ARHGAP19: variants seen among roughly 807,000 people sequenced by gnomAD.
The protein encoded by ARHGAP19 is Rho GTPase activating protein 19.
A neutral mutation model predicts 60.9 loss-of-function variants in ARHGAP19; 48 were observed. The observed-to-expected ratio is 0.79, with a 90% CI of 0.62 to 1.00. The LOEUF (loss-of-function observed/expected upper bound fraction) is 1.00. Among genes scored for constraint, ARHGAP19 ranks in the 50% least tolerant of loss-of-function variants. The pLI is 0.00. For synonymous variants in ARHGAP19, 209 were observed against 215.5 expected (o/e 0.97, Z 0.27); for missense variants, 562 against 597.2 (o/e 0.94, Z 0.61).
chr10:97,243,404 C>T (rs1359764405), intron 8 of ARHGAP19, among the ~76,000 whole-genome samples: 1 of 152,134 alleles, frequency 6.6e-6, no homozygotes, highest in African/African-American at 2.4e-5. Flanking sequence ...CCCAAAATAG[C>T]AAATTTGTTC....
intron 2 of ARHGAP19, among the ~76,000 whole-genome samples, chr10:97,265,198 T>C (rs527463523): frequency 1.3e-5 from 2 of 152,154 alleles, no homozygotes; most frequent in East Asian, 3.9e-4. Flanking sequence ...GTGTTAGTAT[T>C]TAATTTAACA....
At chr10:97,272,293 C>T (rs919410083) in intron 1 of ARHGAP19, among the ~76,000 whole-genome samples, 2 of 151,964 alleles carry the variant, frequency 1.3e-5, no homozygotes, top group African/African-American at 4.8e-5. Flanking sequence ...GCCACCCCAC[C>T]CATCTAATTT....
At chr10:97,240,420 G>C (rs908570934) in intron 8 of ARHGAP19, among the ~76,000 whole-genome samples, 1 of 152,238 alleles carries the variant, frequency 6.6e-6, no homozygotes, top group Non-Finnish European at 1.5e-5. Flanking sequence ...GGGAGCCCAA[G>C]GCAGGCAGAT....
chr10:97,266,152 G>T, intron 1 of ARHGAP19, 27 bp from the exon 2 acceptor site: 3 of 1,609,878 alleles, frequency 1.9e-6, no homozygotes, highest in South Asian at 1.1e-5. Flanking sequence ...AAAATCTTTC[G>T]GGACATCATT....
chr10:97,256,984 G>T (rs1000062182), intron 5 of ARHGAP19, among the ~76,000 whole-genome samples: 1 of 152,118 alleles, frequency 6.6e-6, no homozygotes, highest in Non-Finnish European at 1.5e-5. Context: ...AGCCGGGCGT[G>T]GTGGCGGGCG....
chr10:97,269,776 T>C (rs147481656), intron 1 of ARHGAP19, among the ~76,000 whole-genome samples: 124 of 152,314 alleles, frequency 8.1e-4, no homozygotes, highest in African/African-American at 2.9e-3. Context: ...CAGATCAAAT[T>C]AGCATTAACA....
chr10:97,242,009 CAAA>C (rs1199588724), intron 8 of ARHGAP19, among the ~76,000 whole-genome samples: 45 of 120,356 alleles, frequency 3.7e-4, no homozygotes, highest in Middle Eastern at 5.0e-3. Flanking sequence ...GACTCTGCCT[CAAA>C]AAAAAAAAAA....
intron 11 of ARHGAP19, among the ~76,000 whole-genome samples, chr10:97,228,799 C>T (rs1198119056): frequency 2.0e-5 from 3 of 152,220 alleles, no homozygotes; most frequent in Admixed American, 2.0e-4. Flanking sequence ...ATTCCATAAG[C>T]ATACTCCCAG....
chr10:97,266,179 G>A (rs974998830), intron 1 of ARHGAP19, 54 bp from the exon 2 acceptor site: 16 of 1,594,398 alleles, frequency 1.0e-5, no homozygotes, highest in Non-Finnish European at 1.4e-5. Context: ...TGTTTCTTAT[G>A]CACTACTCAT....
At chr10:97,233,952 G>A (rs1851078509) in intron 9 of ARHGAP19, among the ~76,000 whole-genome samples, 1 of 150,376 alleles carries the variant, frequency 6.6e-6, no homozygotes, top group Non-Finnish European at 1.5e-5. Context: ...GGGGGGTGGA[G>A]TGGGGGGAAG....
At chr10:97,252,524 T>C (rs961346821) in intron 6 of ARHGAP19, among the ~76,000 whole-genome samples, 3 of 151,576 alleles carry the variant, frequency 2.0e-5, no homozygotes, top group African/African-American at 7.3e-5. Context: ...CTCGGGAGGC[T>C]GAGGCAGGAG....
intron 8 of ARHGAP19, among the ~76,000 whole-genome samples, chr10:97,236,481 C>G (rs1842379846): frequency 1.3e-5 from 2 of 152,050 alleles, no homozygotes; most frequent in South Asian, 4.1e-4. Context: ...TAAACTGGGA[C>G]AAGTAAAAAA....
chr10:97,243,898 A>G, intron 8 of ARHGAP19, 70 bp downstream of exon 8: 3 of 1,385,012 alleles, frequency 2.2e-6, no homozygotes, highest in Non-Finnish European at 2.9e-6. Context: ...TCTTAACAAT[A>G]TGACCTACTG....
At chr10:97,251,339 G>A (rs1231572699) in intron 6 of ARHGAP19, among the ~76,000 whole-genome samples, 3 of 42,830 alleles carry the variant, frequency 7.0e-5, no homozygotes, top group East Asian at 8.9e-4. Flanking sequence ...AAAGGGAAAG[G>A]AAGGGGGAGG....
chr10:97,246,231 T>C (rs1842561316), intron 7 of ARHGAP19, 41 bp downstream of exon 7: 1 of 1,523,706 alleles, frequency 6.6e-7, no homozygotes, highest in Non-Finnish European at 9.1e-7. Context: ...CAAATCTTAA[T>C]GCTCTCCTTG....
At chr10:97,228,420 A>G (rs1419506055) in intron 11 of ARHGAP19, among the ~76,000 whole-genome samples, 1 of 152,226 alleles carries the variant, frequency 6.6e-6, no homozygotes, top group Non-Finnish European at 1.5e-5. Flanking sequence ...ATTTCAATTG[A>G]GCCTCATAAT....
chr10:97,242,142 G>C (rs186374987), intron 8 of ARHGAP19, among the ~76,000 whole-genome samples: 1 of 150,660 alleles, frequency 6.6e-6, no homozygotes, highest in Non-Finnish European at 1.5e-5. Flanking sequence ...AAATTTTAAA[G>C]TATATGATAT....
chr10:97,225,065 AC>A lies in ARHGAP19; in HGVS notation c.*1056del, dbSNP rs1850870898. 6.6e-6 allele frequency: 1 copy of A among 152,254 alleles called. No individual in the cohort carries two copies. Among genetic ancestry groups the A allele is most frequent in the Admixed American group, 6.6e-5 (1 of 15,266 alleles). 9.4% of individuals were successfully genotyped at this position (152,254 alleles called of 1,614,324 possible). ...TCTGATCCTAACTTCCTCTCAGGAGACGGTCTAGCCTGCACCCTCAGAGGGT... is the reference window on the plus strand; with the variant it reads ...TCTGATCCTAACTTCCTCTCAGGAGAGGTCTAGCCTGCACCCTCAGAGGGT... On this transcript the variant is annotated 3_prime_UTR_variant, in exon 12 of 12. Coordinates refer to ENST00000358531, the MANE Select transcript of ARHGAP19 (RefSeq NM_032900.6).
intron 1 of ARHGAP19, among the ~76,000 whole-genome samples, chr10:97,283,454 C>T (rs922683664): frequency 6.6e-6 from 1 of 151,196 alleles, no homozygotes; most frequent in Non-Finnish European, 1.5e-5. Flanking sequence ...CTCGGGAGGC[C>T]GAGGCAGGAG....
Sources: allele counts gnomAD v4.1 joint callset (sites outside exome capture counted in the v4.1 genomes callset), GRCh38; gene constraint gnomAD v4.1.1; transcripts MANE v1.5; gene names NCBI Gene and HGNC (gene_info 2026-07-23, HGNC 2026-07-21).